The following HNRNPAB variants were observed in gnomAD, a reference collection of about 807,000 sequenced individuals.
HNRNPAB encodes the protein heterogeneous nuclear ribonucleoprotein A/B.
Under a neutral mutation model 44.1 loss-of-function variants are expected in HNRNPAB, and 17 were observed. That is an observed-to-expected ratio of 0.39 (90% CI 0.26 to 0.58). HNRNPAB has a LOEUF of 0.58. HNRNPAB is among the 20% of genes least tolerant of loss of function. The pLI is 0.63. For synonymous variants in HNRNPAB, 183 were observed against 167.6 expected, an observed-to-expected ratio of 1.09 and a Z score of -0.71; for missense variants, 393 against 432.7, an observed-to-expected ratio of 0.91 and a Z score of 0.81.
rs1462892093 is a variant in HNRNPAB at position 178,206,656 on chromosome 5, G to C, written c.379-76G>C. 1.0e-5 allele frequency: 15 copies of C among 1,430,606 alleles called. 1 individual carries two copies. Among genetic ancestry groups the C allele is most frequent in the Middle Eastern group, 2.5e-4 (1 of 3,992 alleles). 88.6% of individuals were successfully genotyped at this position (1,430,606 alleles called of 1,614,324 possible). A position where few individuals can be genotyped will look rare whatever the true frequency, so the allele number is the denominator to read the frequency against. On this transcript the variant is annotated intron_variant, in intron 3 of 7. Transcript: ENST00000358344. The stretch of plus-strand genomic sequence containing the variant: ...AACACATGTTTGTATCTGTACTGGT[G>C]TCTTTATGGCTTAGAGAGAAGGGCC...
chr5:178,208,314 C>T (rs1344953721), intron 5 of HNRNPAB, among the ~76,000 whole-genome samples: 1 of 152,078 alleles, frequency 6.6e-6, no homozygotes, highest in Non-Finnish European at 1.5e-5. Context: ...TTAGGATAGT[C>T]TTAAATTTTC....
Position 178,206,740 on chromosome 5 carries a change from C to G in HNRNPAB, c.387C>G (p.Asp129Glu), listed in dbSNP as rs755515789. 3.1e-6 allele frequency: 5 copies of G among 1,613,652 alleles called. No homozygotes were observed. The highest frequency in any genetic ancestry group is 4.2e-6 in the Non-Finnish European group (5 of 1,179,974). The change falls in exon 4 of 8, where the codon GAC (aspartate) becomes GAG (glutamate). Residue 129 changes from aspartate (D) to glutamate (E), a missense_variant. By Grantham distance (45) the Asp-to-Glu change is conservative. Transcript: ENST00000358344. ...CCTTTCTGTTGGAACAGGTCCTAGA[C>G]CAGAAGGAGCACAGGCTGGATGGCC... is the stretch of plus-strand genomic sequence containing the variant. Reference protein sequence around the residue: ...KDAASVEKVLDQKEHRLDGRV... With the variant: ...KDAASVEKVLEQKEHRLDGRV...
intron 6 of HNRNPAB, 136 bp from the exon 7 acceptor site, chr5:178,209,996 A>G: frequency 3.2e-6 from 4 of 1,252,046 alleles, no homozygotes; most frequent in Non-Finnish European, 4.4e-6. Context: ...GCCCTTATAC[A>G]CCAGAACAGC....
intron 3 of HNRNPAB, 29 bp downstream of exon 3, chr5:178,206,039 T>C (rs1438822388): frequency 6.3e-7 from 1 of 1,591,968 alleles, no homozygotes; most frequent in East Asian, 2.2e-5. Flanking sequence ...TTCAGCAGTC[T>C]CAGTGGAAAC....
At position 178,210,624 on chromosome 5, in the gene HNRNPAB, G is replaced by C. The variant is rs982397142; in HGVS notation, c.*1G>C. 6.2e-7 allele frequency: 1 copy of C among 1,612,762 alleles called. No individual in the cohort carries two copies. The highest frequency in any genetic ancestry group is 1.3e-5 in the African/African-American group (1 of 74,910). ...TCAGAATAACTACAAGCCATACTGA[G>C]GCGGCAGCAGGAGCGACCAACTGAT... On this transcript the variant is annotated 3_prime_UTR_variant, in exon 8 of 8. Transcript: ENST00000358344.
At chr5:178,207,260 C>G (rs1214896187) in intron 5 of HNRNPAB, 35 bp downstream of exon 5, 1 of 1,611,342 alleles carries the variant, frequency 6.2e-7, no homozygotes, top group Non-Finnish European at 8.5e-7. Context: ...GCCTCCTGTG[C>G]TGCTGGAGAG....
In HNRNPAB at chr5:178,205,778, T is replaced by G. The variant is rs991626227; in HGVS notation, c.210-64T>G. The stretch of plus-strand genomic sequence containing the variant: ...TTCGTGAGAACTTTGCCAGGGCCAG[T>G]CCTTTCCAAAATCACAGCTTGCTTA... On this transcript the variant is annotated intron_variant, in intron 2 of 7. Coordinates refer to ENST00000358344, the MANE Select transcript of HNRNPAB (RefSeq NM_031266.3). 63 of 1,540,058 alleles carry G rather than the reference T, an allele frequency of 4.1e-5. No homozygotes were observed. The African/African-American group carries it at 8.3e-4, about 20-fold the overall frequency.
rs1282790635 is a variant in HNRNPAB at position 178,206,788 on chromosome 5, C to T, written c.435C>T (p.Ala145=). ...LDGRVIDPKK[A]MAMKKDPVKK... The stretch of plus-strand genomic sequence containing the variant: ...GCCGTGTCATTGACCCTAAAAAGGC[C>T]ATGGCTATGAAGAAGGACCCGGTGA... Residue 145 remains alanine (A), a synonymous_variant, in exon 4 of 8, where the codon GCC becomes GCT. Transcript: ENST00000358344. 1.9e-6 allele frequency: 3 copies of T among 1,613,998 alleles called. No homozygotes were observed. Among genetic ancestry groups the T allele is most frequent in the Admixed American group, 3.3e-5 (2 of 59,998 alleles).
chr5:178,208,625 A>AT (rs1757244302), intron 5 of HNRNPAB: 2 of 152,360 alleles, frequency 1.3e-5, no homozygotes, highest in Admixed American at 1.3e-4. Context: ...GCATGTCAGG[A>AT]TTTTCTTTAG....
At chr5:178,206,479 G>T (rs920311296) in intron 3 of HNRNPAB, among the ~76,000 whole-genome samples, 1 of 152,192 alleles carries the variant, frequency 6.6e-6, no homozygotes, top group African/African-American at 2.4e-5. Context: ...CTGGAGATGG[G>T]CCTCACGCTG....
chr5:178,210,626 C>T lies in HNRNPAB; in HGVS notation c.*3C>T, dbSNP rs374005803. Reference sequence around the variant, plus strand: ...AGAATAACTACAAGCCATACTGAGGCGGCAGCAGGAGCGACCAACTGATCG... The same window carrying T: ...AGAATAACTACAAGCCATACTGAGGTGGCAGCAGGAGCGACCAACTGATCG... On this transcript the variant is annotated 3_prime_UTR_variant, in exon 8 of 8. Transcript: ENST00000358344. 59 of 1,612,188 alleles carry T rather than the reference C, an allele frequency of 3.7e-5. No homozygotes were observed. In the South Asian group the frequency reaches 4.9e-4, roughly 14 times the overall value.
Position 178,204,734 on chromosome 5 carries a change from C to A in HNRNPAB, c.-30C>A. The A allele has an allele frequency of 1.5e-6, 1 of 654,930 alleles. No individual in the cohort carries two copies. Among genetic ancestry groups the A allele is most frequent in the Non-Finnish European group, 2.1e-6 (1 of 477,506 alleles). The allele number at this position is 654,930 out of a possible 1,614,324, so 40.6% of individuals were successfully genotyped here. A position where few individuals can be genotyped will look rare whatever the true frequency, so the allele number is the denominator to read the frequency against. On this transcript the variant is annotated 5_prime_UTR_variant, in exon 1 of 8. Coordinates refer to ENST00000358344, the MANE Select transcript of HNRNPAB (RefSeq NM_031266.3). ...CGAGCGGGCCCCGCGGCGTCATCGG[C>A]GGCGAGGTGAGCGGCGGCCGGCGGG... is the stretch of plus-strand genomic sequence containing the variant.
At chr5:178,205,356 C>G (rs2113532664) in intron 2 of HNRNPAB, among the ~76,000 whole-genome samples, 1 of 151,684 alleles carries the variant, frequency 6.6e-6, no homozygotes, top group South Asian at 2.1e-4. Context: ...GACCCGGGGC[C>G]CGGCGGCGTC....
rs910597918 is a variant in HNRNPAB at position 178,204,980 on chromosome 5, C to G, written c.143C>G (p.Pro48Arg). 8.3e-7 allele frequency: 1 copy of G among 1,209,888 alleles called. No individual in the cohort carries two copies. The highest frequency in any genetic ancestry group is 1.0e-6 in the Non-Finnish European group (1 of 973,818). The allele number at this position is 1,209,888 out of a possible 1,614,324, so 74.9% of individuals were successfully genotyped here. ...GCTGGAGGCGCGACCGCGGCGCCCC[C>G]GAGCGGGAATCAGAACGGCGCCGAG... ...AGAGGATAAP[P>R]SGNQNGAEGD... The change falls in exon 2 of 8, where the codon CCG (proline) becomes CGG (arginine). Residue 48 changes from proline (P) to arginine (R), a missense_variant. Physicochemically the swap from Pro to Arg is moderately radical, Grantham distance 103. Transcript: ENST00000358344.
At chr5:178,205,514 C>CAG (rs1757020314) in intron 2 of HNRNPAB, 1 of 188,070 alleles carries the variant, frequency 5.3e-6, no homozygotes, top group African/African-American at 2.3e-5. Context: ...AACGAGTTCT[C>CAG]AGGAGTTGGT....
Position 178,210,762 on chromosome 5 carries a change from A to G in HNRNPAB, c.*139A>G, listed in dbSNP as rs1758038699. 1.4e-6 allele frequency: 1 copy of G among 697,346 alleles called. No homozygotes were observed. Among genetic ancestry groups the G allele is most frequent in the South Asian group, 1.7e-5 (1 of 60,274 alleles). 43.2% of individuals were successfully genotyped at this position (697,346 alleles called of 1,614,324 possible). A position where few individuals can be genotyped will look rare whatever the true frequency, so the allele number is the denominator to read the frequency against. ...ATCTTATTTAAAATTTCCCCCATGG[A>G]AATCACTCTCCTGTTGACTATTTCC... On this transcript the variant is annotated 3_prime_UTR_variant, in exon 8 of 8. Coordinates refer to ENST00000358344, the MANE Select transcript of HNRNPAB (RefSeq NM_031266.3).
At chr5:178,207,769 C>T (rs1757148559) in intron 5 of HNRNPAB, among the ~76,000 whole-genome samples, 1 of 130,970 alleles carries the variant, frequency 7.6e-6, no homozygotes, top group Admixed American at 9.1e-5. Flanking sequence ...GTAACACAAT[C>T]ATGGCTCACT....
In HNRNPAB at chr5:178,207,178, G is replaced by A; in HGVS notation, c.622G>A (p.Val208Met). Residue 208 changes from valine to methionine, a missense_variant, in exon 5 of 8, where the codon GTG becomes ATG. Around this residue, in one of 3 missense-constraint regions of HNRNPAB, gnomAD observed 210 missense variants for 196.9 expected, o/e 1.07. Coordinates refer to ENST00000358344, the MANE Select transcript of HNRNPAB (RefSeq NM_031266.3). ...TATCACCTTTAAAGAAGAAGAACCC[G>A]TGAAGAAGGTTCTGGAGAAAAAGTT... Reference protein sequence around the residue: ...VFITFKEEEPVKKVLEKKFHT... With the variant: ...VFITFKEEEPMKKVLEKKFHT... The A allele has an allele frequency of 2.5e-6, 4 of 1,614,162 alleles. No individual in the cohort carries two copies. Among genetic ancestry groups the A allele is most frequent in the East Asian group, 2.2e-5 (1 of 44,884 alleles).
intron 2 of HNRNPAB, 118 bp from the exon 3 acceptor site, chr5:178,205,724 C>T (rs1757029993): frequency 6.8e-6 from 6 of 885,136 alleles, no homozygotes; most frequent in South Asian, 6.7e-5. Flanking sequence ...CTAAGGTGCT[C>T]CTTGCAGACT....
Sources: allele counts gnomAD v4.1 joint callset (sites outside exome capture counted in the v4.1 genomes callset), GRCh38; gene constraint gnomAD v4.1.1; regional missense constraint gnomAD v4.1.1; transcripts MANE v1.5; gene names NCBI Gene and HGNC (gene_info 2026-07-23, HGNC 2026-07-21).